Variants in SEMA3A observed in about 807,000 individuals in gnomAD.
SEMA3A encodes the protein semaphorin-3A.
Under a neutral mutation model 97.9 loss-of-function variants are expected in SEMA3A, and 29 were observed. The ratio of observed to expected loss-of-function variants is 0.30; its 90% CI spans 0.22 to 0.40. The LOEUF is 0.40. SEMA3A is among the 10% of genes least tolerant of loss of function. SEMA3A has a pLI of 1.00. For missense variants in SEMA3A, 763 were observed against 951.3 expected, an observed-to-expected ratio of 0.80 and a Z score of 2.60; for synonymous variants, 321 against 323.7, an observed-to-expected ratio of 0.99 and a Z score of 0.09.
At chr7:84,182,117 A>T (rs1392216013) in intron 1 of SEMA3A, among the ~76,000 whole-genome samples, 1 of 152,158 alleles carries the variant, frequency 6.6e-6, no homozygotes, top group Non-Finnish European at 1.5e-5. Context: ...TTCAGACTGC[A>T]GGTTTATTTT....
At chr7:84,379,520 T>C (rs1184577097) in intron 1 of SEMA3A, among the ~76,000 whole-genome samples, 6 of 152,176 alleles carry the variant, frequency 3.9e-5, no homozygotes, top group Non-Finnish European at 7.3e-5. Context: ...TGAGAGACTC[T>C]GTTTAACAGG....
intron 4 of SEMA3A, among the ~76,000 whole-genome samples, chr7:84,065,741 A>G (rs1793456630): frequency 6.6e-6 from 1 of 152,168 alleles, no homozygotes; most frequent in Non-Finnish European, 1.5e-5. Context: ...ATCTCTGAGT[A>G]GACCAATAAC....
chr7:84,205,206 A>G (rs1798460259), intron 3 of SEMA3A, among the ~76,000 whole-genome samples: 1 of 152,180 alleles, frequency 6.6e-6, no homozygotes, highest in South Asian at 2.1e-4. Flanking sequence ...TCCTGCTACT[A>G]TTTATATTTC....
chr7:84,141,693 G>A (rs777952324), intron 1 of SEMA3A, among the ~76,000 whole-genome samples: 1 of 151,980 alleles, frequency 6.6e-6, no homozygotes, highest in East Asian at 1.9e-4. Context: ...GCCTCTCTGT[G>A]TGTGGTTGTT....
rs1483290458 is a variant in SEMA3A at position 84,311,176 on chromosome 7, A to T, written c.-168-3884T>A. 2.0e-5 allele frequency among the ~76,000 whole-genome samples: 3 copies of T among 151,978 alleles called. No individual in the cohort carries two copies. In the East Asian group the frequency reaches 5.8e-4, roughly 29 times the overall value. Reference sequence around the variant, plus strand: ...AACATACTATATTGGGCAAGGTTTTAGGTGCAAAATTAAATTAGACATACA... The same window carrying T: ...AACATACTATATTGGGCAAGGTTTTTGGTGCAAAATTAAATTAGACATACA... On this transcript the variant is annotated intron_variant, in intron 2 of 3. Coordinates refer to the SEMA3A transcript ENST00000424555.
intron 1 of SEMA3A, among the ~76,000 whole-genome samples, chr7:84,177,355 T>G (rs1797600386): frequency 6.6e-6 from 1 of 152,114 alleles, no homozygotes; most frequent in African/African-American, 2.4e-5. Flanking sequence ...TTCTCCTATG[T>G]GTTTATAATA....
At chr7:83,973,803 C>A (rs1051251797) in intron 15 of SEMA3A, among the ~76,000 whole-genome samples, 9 of 151,554 alleles carry the variant, frequency 5.9e-5, no homozygotes, top group African/African-American at 1.9e-4. Context: ...AAGTGAAATT[C>A]AATGATGGCA....
intron 2 of SEMA3A, among the ~76,000 whole-genome samples, chr7:84,357,791 G>T (rs956573330): frequency 6.6e-6 from 1 of 151,724 alleles, no homozygotes; most frequent in Admixed American, 6.6e-5. Flanking sequence ...ATCCTCTCCA[G>T]CACCTGTTGT....
intron 2 of SEMA3A, among the ~76,000 whole-genome samples, chr7:84,339,037 G>GTA (rs760733007): frequency 3.0e-4 from 46 of 152,090 alleles, no homozygotes; most frequent in African/African-American, 9.4e-4. Context: ...CTCCAATTTG[G>GTA]TATATATATA....
At chr7:84,012,574 T>C (rs1790925834) in intron 7 of SEMA3A, among the ~76,000 whole-genome samples, 1 of 152,106 alleles carries the variant, frequency 6.6e-6, no homozygotes, top group African/African-American at 2.4e-5. Flanking sequence ...ATACAAAAAA[T>C]AGATCTCAAA....
chr7:83,996,075 AC>A (rs1406447191), intron 12 of SEMA3A, among the ~76,000 whole-genome samples: 5 of 152,208 alleles, frequency 3.3e-5, no homozygotes, highest in African/African-American at 1.2e-4. Flanking sequence ...TCCTAAGAGC[AC>A]TGCAACTTGT....
chr7:84,203,526 A>ATATTTTTTTTTTTTT (rs372380784), intron 3 of SEMA3A, among the ~76,000 whole-genome samples: 2 of 25,676 alleles, frequency 7.8e-5, no homozygotes, highest in African/African-American at 1.3e-4. Flanking sequence ...ATATATATAT[A>ATATTTTTTTTTTTTT]TTTTTTTTTT....
rs1201921978 is a variant in SEMA3A, at chr7:83,956,630, TACAA to T, written c.*4737_*4740del. On this transcript the variant is annotated 3_prime_UTR_variant, in exon 17 of 17. Coordinates refer to ENST00000265362, the MANE Select transcript of SEMA3A (RefSeq NM_006080.3). ...CTGTGCCAAGGATGCGAATGTGGGGTACAAACAGAGGGCAATAAATCAAAACCCA... is the reference window on the plus strand; with the variant it reads ...CTGTGCCAAGGATGCGAATGTGGGGTACAGAGGGCAATAAATCAAAACCCA... 2.6e-5 allele frequency: 4 copies of T among 152,034 alleles called. No homozygotes were observed. Among genetic ancestry groups the T allele is most frequent in the African/African-American group, 9.7e-5 (4 of 41,408 alleles). 9.4% of individuals were successfully genotyped at this position (152,034 alleles called of 1,614,324 possible).
At chr7:84,070,397 C>G (rs897665533) in intron 4 of SEMA3A, among the ~76,000 whole-genome samples, 1 of 152,030 alleles carries the variant, frequency 6.6e-6, no homozygotes, top group African/African-American at 2.4e-5. Context: ...AAATTATAAA[C>G]CATTGGTGAC....
At chr7:84,411,855 A>C (rs78370178) in intron 1 of SEMA3A, among the ~76,000 whole-genome samples, 6,891 of 152,176 alleles carry the variant, frequency 0.045, 363 homozygotes, top group East Asian at 0.19. Flanking sequence ...TGATGGATTA[A>C]ATAAAACTTG....
chr7:84,223,277 C>T (rs1798919723), intron 3 of SEMA3A, among the ~76,000 whole-genome samples: 1 of 151,770 alleles, frequency 6.6e-6, no homozygotes, highest in African/African-American at 2.4e-5. Flanking sequence ...TTTGTTACCT[C>T]TCTCCATATA....
chr7:83,959,430 A>G lies in SEMA3A; in HGVS notation c.*1941T>C, dbSNP rs1468244867. On this transcript the variant is annotated 3_prime_UTR_variant, in exon 17 of 17. Coordinates refer to ENST00000265362, the MANE Select transcript of SEMA3A (RefSeq NM_006080.3). The stretch of plus-strand genomic sequence containing the variant: ...TGTACAGTGGTGTGTCCTTCAAATA[A>G]TTTAACAATTTGGCTTCCATGTGAG... 6.6e-6 allele frequency: 1 copy of G among 152,054 alleles called. No homozygotes were observed. Among genetic ancestry groups the G allele is most frequent in the Admixed American group, 6.6e-5 (1 of 15,226 alleles). The allele number at this position is 152,054 out of a possible 1,614,324, so 9.4% of individuals were successfully genotyped here. A position where few individuals can be genotyped will look rare whatever the true frequency, so the allele number is the denominator to read the frequency against.
chr7:84,229,966 G>A (rs1410604210), intron 3 of SEMA3A, among the ~76,000 whole-genome samples: 1 of 151,898 alleles, frequency 6.6e-6, no homozygotes, highest in African/African-American at 2.4e-5. Flanking sequence ...AACTGGGACT[G>A]GCTCTGATCT....
At chr7:84,386,259 T>C (rs1233090592) in intron 1 of SEMA3A, among the ~76,000 whole-genome samples, 1 of 152,212 alleles carries the variant, frequency 6.6e-6, no homozygotes, top group Non-Finnish European at 1.5e-5. Flanking sequence ...CAAAGGCTTA[T>C]TTCTGATTCA....
Sources: gnomAD v4.1 joint callset for allele counts (sites outside exome capture counted in the v4.1 genomes callset) on GRCh38, gnomAD v4.1.1 for gene constraint, MANE v1.5 for transcripts, NCBI Gene and HGNC (gene_info 2026-07-23, HGNC 2026-07-21) for gene names.